PLCB1: variants seen among roughly 807,000 people sequenced by gnomAD.
The protein encoded by PLCB1 is phospholipase C beta 1, also known as 1-phosphatidylinositol 4,5-bisphosphate phosphodiesterase beta-1.
PLCB1 carries 46 observed loss-of-function variants against 161.8 expected under a neutral mutation model. The observed-to-expected ratio is 0.28, with a 90% confidence interval of 0.22 to 0.36. The LOEUF (loss-of-function observed/expected upper bound fraction) is 0.36, where lower values mean the gene tolerates loss of function less well. Among genes scored for constraint, PLCB1 ranks in the 10% least tolerant of loss-of-function variants. The pLI is 1.00. For synonymous variants in PLCB1, 517 were observed against 503.7 expected (o/e 1.03, Z -0.35); for missense variants, 1,016 against 1,472.5 (o/e 0.69, Z 5.07).
At chr20:8,186,053 G>A (rs1361883852) in intron 2 of PLCB1, among the ~76,000 whole-genome samples, 1 of 152,140 alleles carries the variant, frequency 6.6e-6, no homozygotes, top group Admixed American at 6.6e-5. Context: ...CTTTCAAAAA[G>A]TAGAGTTTTT....
chr20:8,882,137 C>A lies in PLCB1; in HGVS notation c.*288C>A. The A allele has an allele frequency of 3.0e-6, 1 of 333,234 alleles. No homozygotes were observed. Among genetic ancestry groups the A allele is most frequent in the Non-Finnish European group, 5.5e-6 (1 of 181,464 alleles). 20.6% of individuals were successfully genotyped at this position (333,234 alleles called of 1,614,324 possible). A position where few individuals can be genotyped will look rare whatever the true frequency, so the allele number is the denominator to read the frequency against. On this transcript the variant is annotated 3_prime_UTR_variant, in exon 32 of 32. Coordinates refer to ENST00000338037, the MANE Select transcript of PLCB1 (RefSeq NM_015192.4). The stretch of plus-strand genomic sequence containing the variant: ...CAAGCAACTTGCAGGCTCCATGGAA[C>A]TTTTAATGAAGGACAGTGTCTTCTT...
chr20:8,189,270 G>A (rs536128569), intron 2 of PLCB1, among the ~76,000 whole-genome samples: 248 of 151,062 alleles, frequency 1.6e-3, no homozygotes, highest in Middle Eastern at 3.4e-3. Flanking sequence ...TGGGGGATGG[G>A]TAACTATGTG....
chr20:8,169,171 C>G (rs372931838), intron 2 of PLCB1, among the ~76,000 whole-genome samples: 14 of 152,148 alleles, frequency 9.2e-5, no homozygotes, highest in African/African-American at 3.4e-4. Flanking sequence ...TGGGGAGCCA[C>G]TGAGGTTAAA....
rs377175059 is a variant in PLCB1, at chr20:8,340,584, G to A, written c.178-30798G>A. On this transcript the variant is annotated intron_variant, in intron 2 of 31. Transcript: ENST00000338037. ...ACTACAGGCGCCCGCCACCACGCCCGGCTAATTTTTTTGTGTTTTTTAGTA... is the reference window on the plus strand; with the variant it reads ...ACTACAGGCGCCCGCCACCACGCCCAGCTAATTTTTTTGTGTTTTTTAGTA... Among the ~76,000 whole-genome samples the A allele has an allele frequency of 2.5e-3, 377 of 151,934 alleles. 1 individual carries two copies. Among genetic ancestry groups the A allele is most frequent in the African/African-American group, 8.4e-3 (349 of 41,438 alleles).
intron 2 of PLCB1, among the ~76,000 whole-genome samples, chr20:8,246,223 G>T (rs1191851539): frequency 7.2e-5 from 11 of 151,896 alleles, no homozygotes; most frequent in Admixed American, 7.2e-4. Context: ...ACATATTTAG[G>T]CTCTGATTAT....
At chr20:8,616,761 A>G (rs1988050328) in intron 3 of PLCB1, among the ~76,000 whole-genome samples, 2 of 152,242 alleles carry the variant, frequency 1.3e-5, no homozygotes, top group African/African-American at 4.8e-5. Flanking sequence ...CTCTAAAGAA[A>G]CAGATTCCCC....
At chr20:8,676,175 G>C (rs974151194) in intron 9 of PLCB1, among the ~76,000 whole-genome samples, 4 of 152,198 alleles carry the variant, frequency 2.6e-5, no homozygotes, top group African/African-American at 9.6e-5. Context: ...TTAGAGACCA[G>C]CCTGGTGAAA....
chr20:8,231,292 C>T (rs900692961), intron 2 of PLCB1, among the ~76,000 whole-genome samples: 7 of 152,156 alleles, frequency 4.6e-5, no homozygotes, highest in African/African-American at 1.7e-4. Flanking sequence ...GGAAAGTAGA[C>T]AGCTGTCTTG....
rs572785673 is a variant in PLCB1, at chr20:8,555,712, C to G, written c.247-72582C>G. ...CTGTGTATGTCAGAGTAGAATATGG[C>G]ATGTGCTCTTATCATAAATATTACA... On this transcript the variant is annotated intron_variant, in intron 3 of 31. Transcript: ENST00000338037. Among the ~76,000 whole-genome samples, 8 of 152,146 alleles carry G rather than the reference C, an allele frequency of 5.3e-5. No individual in the cohort carries two copies. In the South Asian group the frequency reaches 8.3e-4, roughly 16 times the overall value.
intron 3 of PLCB1, among the ~76,000 whole-genome samples, chr20:8,394,977 C>T (rs925469671): frequency 4.6e-5 from 7 of 151,996 alleles, no homozygotes; most frequent in African/African-American, 1.7e-4. Flanking sequence ...ATTTGTAATA[C>T]CTGGTTAAAA....
intron 2 of PLCB1, among the ~76,000 whole-genome samples, chr20:8,160,208 A>G (rs2051608537): frequency 6.6e-6 from 1 of 152,140 alleles, no homozygotes; most frequent in Non-Finnish European, 1.5e-5. Context: ...TCATATCATT[A>G]TCAGCATTTT....
intron 3 of PLCB1, among the ~76,000 whole-genome samples, chr20:8,417,017 A>G (rs1979310822): frequency 7.1e-6 from 1 of 141,372 alleles, no homozygotes; most frequent in South Asian, 2.2e-4. Context: ...TTAAATACAT[A>G]TATGTGTATA....
intron 3 of PLCB1, among the ~76,000 whole-genome samples, chr20:8,414,729 G>A (rs1979196863): frequency 6.6e-6 from 1 of 152,138 alleles, no homozygotes; most frequent in African/African-American, 2.4e-5. Flanking sequence ...ACATGTAGCT[G>A]TGGAGCATTG....
At chr20:8,763,904 C>G (rs1436454680) in intron 25 of PLCB1, among the ~76,000 whole-genome samples, 1 of 151,980 alleles carries the variant, frequency 6.6e-6, no homozygotes, top group Non-Finnish European at 1.5e-5. Flanking sequence ...TGACTCATGC[C>G]TGGAAATCCC....
rs559315161 is a variant in PLCB1 at position 8,651,106 on chromosome 20, C to G, written c.594+1657C>G. Among the ~76,000 whole-genome samples the G allele has an allele frequency of 5.0e-4, 76 of 152,192 alleles. 1 individual carries two copies. Among genetic ancestry groups the G allele is most frequent in the African/African-American group, 1.8e-3 (73 of 41,524 alleles). ...TAAAATTTTTTTCTCGTGCAGAGCT[C>G]TCCTTTCATTATTTTTATCTGAGTA... On this transcript the variant is annotated intron_variant, in intron 7 of 31. Transcript: ENST00000338037.
At chr20:8,550,255 G>A (rs1985725369) in intron 3 of PLCB1, among the ~76,000 whole-genome samples, 1 of 152,108 alleles carries the variant, frequency 6.6e-6, no homozygotes, top group Admixed American at 6.5e-5. Context: ...GAGGACATGA[G>A]ATTTTGGAGG....
chr20:8,492,674 A>C (rs530840052), intron 3 of PLCB1, among the ~76,000 whole-genome samples: 6 of 152,192 alleles, frequency 3.9e-5, no homozygotes, highest in African/African-American at 1.4e-4. Context: ...TGCCTAAGTG[A>C]TAATGTAAAC....
At chr20:8,379,269 A>G (rs1031060410) in intron 3 of PLCB1, among the ~76,000 whole-genome samples, 3 of 152,198 alleles carry the variant, frequency 2.0e-5, no homozygotes, top group African/African-American at 7.2e-5. Flanking sequence ...TGTCCCTGCA[A>G]AAGACATTAT....
chr20:8,577,820 T>C (rs529288026), intron 3 of PLCB1, among the ~76,000 whole-genome samples: 79 of 152,318 alleles, frequency 5.2e-4, no homozygotes, highest in African/African-American at 1.9e-3. Flanking sequence ...TTGTTTTCAA[T>C]GTTAAAATGC....
Sources: gnomAD v4.1 joint callset for allele counts (sites outside exome capture counted in the v4.1 genomes callset) on GRCh38, gnomAD v4.1.1 for gene constraint, MANE v1.5 for transcripts, NCBI Gene and HGNC (gene_info 2026-07-23, HGNC 2026-07-21) for gene names.